The following PUM1 variants were observed in gnomAD, a reference collection of about 807,000 sequenced individuals.
The protein encoded by PUM1 is pumilio homolog 1.
Under a neutral mutation model 131.8 loss-of-function variants are expected in PUM1, and 13 were observed. The observed-to-expected ratio is 0.10, with a 90% CI of 0.06 to 0.16. The LOEUF is 0.16. Ranked by LOEUF, PUM1 falls within the 10% of genes least tolerant of loss-of-function variation. The pLI is 1.00. For missense variants in PUM1, 961 were observed against 1,512.4 expected, an observed-to-expected ratio of 0.64 and a Z score of 6.05; for synonymous variants, 509 against 556.5, an observed-to-expected ratio of 0.91 and a Z score of 1.20.
intron 14 of PUM1, among the ~76,000 whole-genome samples, chr1:30,957,865 A>C (rs899491552): frequency 6.6e-6 from 1 of 152,232 alleles, no homozygotes; most frequent in East Asian, 1.9e-4. Context: ...TTTAAAAATA[A>C]GTTCTCTCCA....
chr1:31,040,740 TCTAAAA>T (rs1266370069), intron 2 of PUM1, among the ~76,000 whole-genome samples: 2 of 151,974 alleles, frequency 1.3e-5, no homozygotes, highest in East Asian at 3.9e-4. Context: ...CACCCTCATC[TCTAAAA>T]CTAATAATAA....
At chr1:31,038,139 T>C (rs1333290779) in intron 2 of PUM1, among the ~76,000 whole-genome samples, 1 of 147,092 alleles carries the variant, frequency 6.8e-6, no homozygotes, top group African/African-American at 2.5e-5. Flanking sequence ...TAAATAAACA[T>C]GGCCAAATGG....
At chr1:30,938,962 G>GATAC (rs1166525909) in intron 20 of PUM1, among the ~76,000 whole-genome samples, 3 of 150,150 alleles carry the variant, frequency 2.0e-5, no homozygotes, top group South Asian at 2.1e-4. Context: ...CAGATAGACA[G>GATAC]ATACATACAT....
At chr1:30,948,887 C>G (rs1570106374) in intron 17 of PUM1, among the ~76,000 whole-genome samples, 1 of 152,178 alleles carries the variant, frequency 6.6e-6, no homozygotes, top group South Asian at 2.1e-4. Flanking sequence ...CTTCTAATTA[C>G]TTATACTTTC....
chr1:31,044,509 A>G (rs923088996), intron 2 of PUM1, among the ~76,000 whole-genome samples: 2 of 152,218 alleles, frequency 1.3e-5, no homozygotes, highest in African/African-American at 4.8e-5. Context: ...AACATGCTTC[A>G]CTTATGTCCA....
At chr1:30,980,533 A>G (rs973419483) in intron 8 of PUM1, among the ~76,000 whole-genome samples, 1 of 152,208 alleles carries the variant, frequency 6.6e-6, no homozygotes, top group Non-Finnish European at 1.5e-5. Context: ...TTTTCCAAAC[A>G]GTTTTCATGA....
intron 7 of PUM1, among the ~76,000 whole-genome samples, chr1:30,985,324 A>C (rs907310817): frequency 6.6e-6 from 1 of 152,114 alleles, no homozygotes; most frequent in African/African-American, 2.4e-5. Flanking sequence ...AAGCAGACCA[A>C]AAGCAGAGGG....
intron 3 of PUM1, among the ~76,000 whole-genome samples, chr1:31,023,516 AT>A (rs951063381): frequency 6.6e-6 from 1 of 152,270 alleles, no homozygotes; most frequent in Admixed American, 6.5e-5. Flanking sequence ...AATTTAACAG[AT>A]TTAGTCTCCA....
intron 3 of PUM1, among the ~76,000 whole-genome samples, chr1:31,025,545 C>CTTTTTTTT (rs35510099): frequency 1.4e-4 from 12 of 88,820 alleles, no homozygotes; most frequent in East Asian, 3.8e-4. Flanking sequence ...TGTTTTTTGT[C>CTTTTTTTT]TTTTTTTTTT....
intron 14 of PUM1, among the ~76,000 whole-genome samples, chr1:30,955,751 C>T (rs894938555): frequency 6.6e-6 from 1 of 152,092 alleles, no homozygotes; most frequent in Non-Finnish European, 1.5e-5. Context: ...TAATGGTAGC[C>T]ACAAAAAGAT....
intron 14 of PUM1, among the ~76,000 whole-genome samples, chr1:30,954,568 A>G (rs1419538690): frequency 1.3e-5 from 2 of 152,208 alleles, no homozygotes; most frequent in African/African-American, 4.8e-5. Flanking sequence ...TAATGAGTAC[A>G]AGACAGGAGA....
chr1:31,062,718 A>C (rs1434232132), intron 1 of PUM1, among the ~76,000 whole-genome samples: 1 of 152,082 alleles, frequency 6.6e-6, no homozygotes, highest in African/African-American at 2.4e-5. Flanking sequence ...TCGGCCTAAC[A>C]GTCTACTGCT....
chr1:30,959,461 A>T (rs1380828552), intron 14 of PUM1, among the ~76,000 whole-genome samples: 1 of 152,244 alleles, frequency 6.6e-6, no homozygotes, highest in Non-Finnish European at 1.5e-5. Flanking sequence ...TTAATGTAAC[A>T]TACCACATTC....
At chr1:30,976,901 G>A (rs1641156721) in intron 9 of PUM1, among the ~76,000 whole-genome samples, 1 of 151,502 alleles carries the variant, frequency 6.6e-6, no homozygotes, top group African/African-American at 2.4e-5. Flanking sequence ...GGGTGGTCTT[G>A]GGCAGTTAAA....
intron 17 of PUM1, 91 bp from the exon 18 acceptor site, chr1:30,945,574 G>C: frequency 2.9e-6 from 4 of 1,360,160 alleles, no homozygotes; most frequent in South Asian, 1.3e-5. Flanking sequence ...AAGCACTACT[G>C]AACAGAGAAT....
At chr1:30,960,351 T>C (rs1471239839) in intron 14 of PUM1, among the ~76,000 whole-genome samples, 1 of 152,246 alleles carries the variant, frequency 6.6e-6, no homozygotes, top group Non-Finnish European at 1.5e-5. Flanking sequence ...TTTTGGGTTT[T>C]GCAGCATTTC....
At chr1:31,020,606 C>T (rs917561527) in intron 3 of PUM1, among the ~76,000 whole-genome samples, 7 of 152,068 alleles carry the variant, frequency 4.6e-5, no homozygotes, top group African/African-American at 1.4e-4. Context: ...AGCAAACAGC[C>T]CGACTGAGAT....
intron 1 of PUM1, among the ~76,000 whole-genome samples, chr1:31,060,075 C>T (rs949149114): frequency 9.9e-5 from 15 of 150,804 alleles, no homozygotes; most frequent in East Asian, 2.0e-4. Context: ...CTCGAACTCC[C>T]GACCTCAGGT....
chr1:31,018,618 AC>A (rs1349427816), intron 3 of PUM1, among the ~76,000 whole-genome samples: 19 of 152,168 alleles, frequency 1.2e-4, no homozygotes, highest in Non-Finnish European at 2.4e-4. Flanking sequence ...AGATCATGGC[AC>A]CGTAATCCAG....
Sources: gnomAD v4.1 joint callset for allele counts (sites outside exome capture counted in the v4.1 genomes callset) on GRCh38, gnomAD v4.1.1 for gene constraint, MANE v1.5 for transcripts, NCBI Gene and HGNC (gene_info 2026-07-23, HGNC 2026-07-21) for gene names.